Variants in ADAM23 observed in about 807,000 individuals in gnomAD.
ADAM23 encodes disintegrin and metalloproteinase domain-containing protein 23.
Under a neutral mutation model 120.1 loss-of-function variants are expected in ADAM23, and 33 were observed. The observed-to-expected ratio is 0.27, with a 90% CI of 0.21 to 0.37. The LOEUF (loss-of-function observed/expected upper bound fraction) is 0.37. Among genes scored for constraint, ADAM23 ranks in the 10% least tolerant of loss-of-function variants. ADAM23 has a pLI of 1.00. For synonymous variants in ADAM23, 367 were observed against 375.2 expected (o/e 0.98, Z 0.25); for missense variants, 862 against 1,058.2 (o/e 0.81, Z 2.57).
chr2:206,564,916 G>C, intron 13 of ADAM23, 104 bp from the exon 14 acceptor site: 2 of 1,237,790 alleles, frequency 1.6e-6, no homozygotes, highest in South Asian at 2.6e-5. Flanking sequence ...GACTGACATG[G>C]AATTGGTAAT....
chr2:206,496,500 C>T (rs1384878992), intron 3 of ADAM23, among the ~76,000 whole-genome samples: 2 of 151,836 alleles, frequency 1.3e-5, no homozygotes, highest in Admixed American at 1.3e-4. Context: ...ACATTCAAAG[C>T]AGTGTGTAGA....
chr2:206,565,775 C>T (rs1401042666), intron 14 of ADAM23, among the ~76,000 whole-genome samples: 3 of 152,160 alleles, frequency 2.0e-5, no homozygotes, highest in South Asian at 2.1e-4. Context: ...CTTTTGCTTT[C>T]TTTGCCATGC....
At chr2:206,551,906 A>G (rs1366594084) in intron 9 of ADAM23, among the ~76,000 whole-genome samples, 2 of 152,164 alleles carry the variant, frequency 1.3e-5, no homozygotes, top group Admixed American at 1.3e-4. Context: ...GAACACATAT[A>G]ATTTAAGAGA....
chr2:206,534,996 GA>G, intron 4 of ADAM23, among the ~76,000 whole-genome samples: 1 of 150,278 alleles, frequency 6.7e-6, no homozygotes, highest in Non-Finnish European at 1.5e-5. Flanking sequence ...CTTCCTACAA[GA>G]AGAGTACATT....
At chr2:206,560,792 T>A (rs2105822052) in intron 11 of ADAM23, among the ~76,000 whole-genome samples, 2 of 152,326 alleles carry the variant, frequency 1.3e-5, no homozygotes, top group South Asian at 4.1e-4. Flanking sequence ...ATCAGCAATT[T>A]TTAATAATCA....
intron 22 of ADAM23, among the ~76,000 whole-genome samples, chr2:206,593,062 C>A (rs1698455528): frequency 1.3e-5 from 2 of 152,112 alleles, no homozygotes; most frequent in Non-Finnish European, 2.9e-5. Context: ...CTATTTTGAA[C>A]ACTGTGTGTG....
chr2:206,539,890 A>T (rs752061098), intron 4 of ADAM23, among the ~76,000 whole-genome samples: 1 of 152,348 alleles, frequency 6.6e-6, no homozygotes, highest in East Asian at 1.9e-4. Context: ...GCTAGTACTA[A>T]TATTAAATTG....
rs552529803 is a variant in ADAM23, at chr2:206,559,537, T to G, written c.1006-418T>G. On this transcript the variant is annotated intron_variant, in intron 10 of 25. Transcript: ENST00000264377. ...TATTGTTTGGTGCTTATCTGGAGAT[T>G]TAGTGATTCATTCCAATCCAGCAGG... 1.8e-4 allele frequency among the ~76,000 whole-genome samples: 27 copies of G among 152,244 alleles called. 1 individual carries two copies. In the South Asian group the frequency reaches 5.6e-3, roughly 32 times the overall value.
intron 8 of ADAM23, 107 bp downstream of exon 8, chr2:206,548,461 C>G (rs1697446136): frequency 1.8e-6 from 2 of 1,082,130 alleles, no homozygotes; most frequent in Admixed American, 4.7e-5. Flanking sequence ...ATTTTGGGGA[C>G]TGTTGTTTAA....
intron 6 of ADAM23, among the ~76,000 whole-genome samples, chr2:206,543,864 G>A (rs149979324): frequency 3.0e-4 from 45 of 152,274 alleles, no homozygotes; most frequent in African/African-American, 8.9e-4. Context: ...ATTACTATAA[G>A]TGAAGTAACT....
chr2:206,589,463 A>T lies in ADAM23; in HGVS notation c.1907A>T (p.Glu636Val), dbSNP rs754488379. The T allele has an allele frequency of 6.2e-7, 1 of 1,613,928 alleles. No individual in the cohort carries two copies. The highest frequency in any genetic ancestry group is 2.2e-5 in the East Asian group (1 of 44,862). The change falls in exon 21 of 26, where the codon GAG becomes GTG. Residue 636 changes from glutamate (E) to valine (V), a missense_variant. Coordinates refer to ENST00000264377, the MANE Select transcript of ADAM23 (RefSeq NM_003812.4). ...GAAAAGCTGAATACAGAAGGCACTG[A>T]GAAGGGAAACTGCGGGAAGGATGGA... ...CYEKLNTEGT[E>V]KGNCGKDGDR...
At chr2:206,451,296 A>G (rs540660281) in intron 2 of ADAM23, among the ~76,000 whole-genome samples, 1 of 152,298 alleles carries the variant, frequency 6.6e-6, no homozygotes, top group South Asian at 2.1e-4. Flanking sequence ...CTGTAGTGCA[A>G]TGGCACGACC....
At chr2:206,600,916 A>C (rs1698628570) in intron 24 of ADAM23, among the ~76,000 whole-genome samples, 1 of 152,230 alleles carries the variant, frequency 6.6e-6, no homozygotes, top group South Asian at 2.1e-4. Context: ...TTCACATGCA[A>C]AAACCCTTTC....
intron 3 of ADAM23, among the ~76,000 whole-genome samples, chr2:206,518,869 C>T (rs933749329): frequency 6.6e-6 from 1 of 152,122 alleles, no homozygotes; most frequent in African/African-American, 2.4e-5. Context: ...CTGAAGTCAT[C>T]CCAGTATGCA....
chr2:206,578,788 T>C (rs1698168257), intron 18 of ADAM23, among the ~76,000 whole-genome samples: 1 of 152,214 alleles, frequency 6.6e-6, no homozygotes, highest in South Asian at 2.1e-4. Context: ...CAAATAGATC[T>C]ATTTTTAGCT....
chr2:206,566,903 A>C (rs1371620194), intron 14 of ADAM23, among the ~76,000 whole-genome samples: 4 of 152,098 alleles, frequency 2.6e-5, no homozygotes, highest in Non-Finnish European at 5.9e-5. Flanking sequence ...AAAAATTAAC[A>C]AACTTTAAAA....
intron 21 of ADAM23, 133 bp from the exon 22 acceptor site, chr2:206,592,484 A>T: frequency 8.6e-7 from 1 of 1,167,200 alleles, no homozygotes. Context: ...TACCAATGAT[A>T]TATGATCAAA....
At position 206,443,957 on chromosome 2, in the gene ADAM23, G is replaced by A. The variant is rs909657002; in HGVS notation, c.91G>A (p.Gly31Ser). ...CTGCGGCCCCCAACGCGGCCCCGCCGGCTCGGTGCCTGCCAGCGCCCCGGC... is the reference window on the plus strand; with the variant it reads ...CTGCGGCCCCCAACGCGGCCCCGCCAGCTCGGTGCCTGCCAGCGCCCCGGC... ...ASCGPQRGPA[G>S]SVPASAPART... Residue 31 changes from glycine (G) to serine (S), a missense_variant, in exon 1 of 26, where the codon GGC becomes AGC. Coordinates refer to ENST00000264377, the MANE Select transcript of ADAM23 (RefSeq NM_003812.4). 12 of 1,283,456 alleles carry A rather than the reference G, an allele frequency of 9.3e-6. No homozygotes were observed. Among genetic ancestry groups the A allele is most frequent in the Non-Finnish European group, 1.2e-5 (12 of 1,019,102 alleles). The allele number at this position is 1,283,456 out of a possible 1,614,324, so 79.5% of individuals were successfully genotyped here.
chr2:206,443,766 A>G lies in ADAM23; in HGVS notation c.-101A>G, dbSNP rs941559253. 37 of 567,482 alleles carry G rather than the reference A, an allele frequency of 6.5e-5. No homozygotes were observed. The highest frequency in any genetic ancestry group is 7.8e-5 in the Non-Finnish European group (35 of 449,700). 35.2% of individuals were successfully genotyped at this position (567,482 alleles called of 1,614,324 possible). ...GGAGCCCCCTGCCCGCCGCGGCACC[A>G]TGCGCGCCGAGCCGGCGTGACCGGC... is the stretch of plus-strand genomic sequence containing the variant. On this transcript the variant is annotated 5_prime_UTR_variant, in exon 1 of 26. An upstream start codon of the reference 5' UTR is lost. Coordinates refer to ENST00000264377, the MANE Select transcript of ADAM23 (RefSeq NM_003812.4).
Sources: allele counts gnomAD v4.1 joint callset (sites outside exome capture counted in the v4.1 genomes callset), GRCh38; gene constraint gnomAD v4.1.1; transcripts MANE v1.5; gene names NCBI Gene and HGNC (gene_info 2026-07-23, HGNC 2026-07-21).